Variants in CPED1 observed in about 807,000 individuals in gnomAD.
CPED1 encodes cadherin-like and PC-esterase domain-containing protein 1.
Under a neutral mutation model 128.2 loss-of-function variants are expected in CPED1, and 114 were observed. The observed-to-expected ratio is 0.89, with a 90% CI of 0.76 to 1.04. The LOEUF is 1.04. Among genes scored for constraint, CPED1 ranks in the 50% least tolerant of loss-of-function variants. The pLI, the probability that CPED1 is intolerant of heterozygous loss-of-function variation, is 0.00. For synonymous variants in CPED1, 462 were observed against 426.7 expected, an observed-to-expected ratio of 1.08 and a Z score of -1.02; for missense variants, 1,211 against 1,207.1, an observed-to-expected ratio of 1.00 and a Z score of -0.05.
intron 5 of CPED1, among the ~76,000 whole-genome samples, chr7:121,066,790 C>T (rs550959520): frequency 6.6e-6 from 1 of 152,204 alleles, no homozygotes; most frequent in East Asian, 1.9e-4. Context: ...CTGTGGGTTC[C>T]ACATCCCTGG....
At chr7:121,099,434 C>A (rs961869837) in intron 6 of CPED1, among the ~76,000 whole-genome samples, 1 of 152,166 alleles carries the variant, frequency 6.6e-6, no homozygotes, top group Admixed American at 6.5e-5. Context: ...ATGATGCAAT[C>A]TCAGCTCAGT....
intron 22 of CPED1, among the ~76,000 whole-genome samples, chr7:121,272,263 ATTC>A (rs1194504571): frequency 7.2e-5 from 11 of 152,114 alleles, no homozygotes; most frequent in Non-Finnish European, 1.3e-4. Context: ...CTCTACTTTT[ATTC>A]TTCTACATTT....
At chr7:121,199,993 A>T in intron 16 of CPED1, among the ~76,000 whole-genome samples, 1 of 152,096 alleles carries the variant, frequency 6.6e-6, no homozygotes, top group Non-Finnish European at 1.5e-5. Flanking sequence ...TTTTATACTT[A>T]CAGTGCATCT....
At chr7:121,290,770 G>C (rs534314431) in intron 22 of CPED1, among the ~76,000 whole-genome samples, 1 of 152,110 alleles carries the variant, frequency 6.6e-6, no homozygotes, top group Non-Finnish European at 1.5e-5. Flanking sequence ...CACTCTGATG[G>C]TAGTTTCTTT....
At chr7:121,129,014 G>A (rs1795579956) in intron 11 of CPED1, among the ~76,000 whole-genome samples, 2 of 151,588 alleles carry the variant, frequency 1.3e-5, no homozygotes, top group South Asian at 2.1e-4. Context: ...TTTAAAAAAG[G>A]CATTCATTTT....
intron 22 of CPED1, among the ~76,000 whole-genome samples, chr7:121,291,048 A>G (rs1055568350): frequency 2.6e-5 from 4 of 152,202 alleles, no homozygotes; most frequent in African/African-American, 4.8e-5. Context: ...AACACTATTT[A>G]TGAAATAGGG....
intron 4 of CPED1, among the ~76,000 whole-genome samples, chr7:121,047,715 C>CTTCT (rs1563005068): frequency 1.3e-5 from 1 of 76,064 alleles, no homozygotes; most frequent in Non-Finnish European, 2.7e-5. Context: ...TCTTCTTCTT[C>CTTCT]TTTTTTTTTT....
At chr7:121,236,878 G>C in intron 17 of CPED1, 47 bp downstream of exon 17, 2 of 1,033,266 alleles carry the variant, frequency 1.9e-6, no homozygotes, top group Non-Finnish European at 1.5e-6. Context: ...GAATAATTTG[G>C]TATAGATAAG....
chr7:121,104,620 C>T (rs1270097928), intron 7 of CPED1, among the ~76,000 whole-genome samples: 2 of 152,108 alleles, frequency 1.3e-5, no homozygotes, highest in Non-Finnish European at 2.9e-5. Flanking sequence ...CCAGTCAAGA[C>T]ATAAATTAAT....
Position 121,140,849 on chromosome 7 carries a change from C to G in CPED1, c.1722C>G (p.Ile574Met), listed in dbSNP as rs753395509. ...CAGATGAAAACACACCATGTCATAT[C>G]AAGCAGATCTTCACACATCCACATT... ...CSDDENTPCHIKQIFTHPHLE... is the reference protein window; with the variant it reads ...CSDDENTPCHMKQIFTHPHLE... Residue 574 changes from isoleucine (I) to methionine (M), a missense_variant, in exon 15 of 23, where the codon ATC becomes ATG. By Grantham distance (10) the Ile-to-Met change is conservative. Coordinates refer to ENST00000310396, the MANE Select transcript of CPED1 (RefSeq NM_024913.5). The G allele has an allele frequency of 1.2e-6, 2 of 1,611,824 alleles. No individual in the cohort carries two copies. Among genetic ancestry groups the G allele is most frequent in the Non-Finnish European group, 1.7e-6 (2 of 1,178,802 alleles).
At chr7:120,999,811 T>A (rs1172276549) in intron 2 of CPED1, among the ~76,000 whole-genome samples, 3 of 152,164 alleles carry the variant, frequency 2.0e-5, no homozygotes, top group Non-Finnish European at 4.4e-5. Flanking sequence ...AAATTGCTCA[T>A]ACTGAGAGAA....
intron 5 of CPED1, among the ~76,000 whole-genome samples, chr7:121,082,640 T>C (rs1439880505): frequency 6.6e-6 from 1 of 152,202 alleles, no homozygotes; most frequent in East Asian, 1.9e-4. Context: ...TTAAACCATC[T>C]ATAGGATAAC....
chr7:121,284,742 C>T (rs1003631640), intron 22 of CPED1, among the ~76,000 whole-genome samples: 3 of 152,200 alleles, frequency 2.0e-5, no homozygotes, highest in African/African-American at 7.2e-5. Flanking sequence ...AGGTGGTCTC[C>T]CCCAGCCTTG....
chr7:121,010,178 G>T (rs1004127905), intron 2 of CPED1, among the ~76,000 whole-genome samples: 1 of 152,130 alleles, frequency 6.6e-6, no homozygotes, highest in Non-Finnish European at 1.5e-5. Context: ...GGATATAGGT[G>T]ATAATGGGTT....
At chr7:121,276,021 C>T (rs1792323596) in intron 22 of CPED1, among the ~76,000 whole-genome samples, 1 of 151,070 alleles carries the variant, frequency 6.6e-6, no homozygotes, top group South Asian at 2.1e-4. Context: ...TAGAAGAACC[C>T]AGAATTTAAC....
At chr7:121,194,048 A>ATATATTTTTTTT (rs1396095392) in intron 16 of CPED1, among the ~76,000 whole-genome samples, 1 of 47,464 alleles carries the variant, frequency 2.1e-5, no homozygotes, top group African/African-American at 8.2e-5. Flanking sequence ...ATATATATAT[A>ATATATTTTTTTT]TTTTTTTTTT....
At chr7:121,077,374 C>G (rs1408253333) in intron 5 of CPED1, among the ~76,000 whole-genome samples, 1 of 150,948 alleles carries the variant, frequency 6.6e-6, no homozygotes, top group Non-Finnish European at 1.5e-5. Flanking sequence ...TTTATTATGT[C>G]TTTATTAAAC....
intron 12 of CPED1, among the ~76,000 whole-genome samples, chr7:121,133,537 A>T (rs1795719606): frequency 6.6e-6 from 1 of 152,074 alleles, no homozygotes; most frequent in Admixed American, 6.6e-5. Context: ...TTCTTGAATC[A>T]CTTCTATTGG....
intron 2 of CPED1, among the ~76,000 whole-genome samples, chr7:121,007,067 C>A (rs950244877): frequency 1.3e-5 from 2 of 152,018 alleles, no homozygotes; most frequent in African/African-American, 4.8e-5. Flanking sequence ...AAAACACTGT[C>A]CTTGTGTTCT....
Sources: allele counts gnomAD v4.1 joint callset (sites outside exome capture counted in the v4.1 genomes callset), GRCh38; gene constraint gnomAD v4.1.1; transcripts MANE v1.5; gene names NCBI Gene and HGNC (gene_info 2026-07-23, HGNC 2026-07-21).